Variants in ATXN7L1 observed in about 807,000 individuals in gnomAD.
ATXN7L1 encodes ataxin 7 like 1.
A neutral mutation model predicts 70.8 loss-of-function variants in ATXN7L1; 15 were observed. The observed-to-expected ratio is 0.21, with a 90% CI of 0.14 to 0.33. The LOEUF (loss-of-function observed/expected upper bound fraction) is 0.33, where lower values mean the gene tolerates loss of function less well. Among genes scored for constraint, ATXN7L1 ranks in the 10% least tolerant of loss-of-function variants. The pLI, the probability that ATXN7L1 is intolerant of heterozygous loss-of-function variation, is 1.00. For synonymous variants in ATXN7L1, 440 were observed against 445.1 expected (o/e 0.99, Z 0.14); for missense variants, 975 against 1,097.1 (o/e 0.89, Z 1.57).
intron 4 of ATXN7L1, among the ~76,000 whole-genome samples, chr7:105,648,966 C>T (rs189624246): frequency 3.8e-4 from 54 of 141,744 alleles, no homozygotes; most frequent in African/African-American, 1.6e-3. Context: ...GGTGAGTTGG[C>T]AATAGCCTGA....
intron 3 of ATXN7L1, chr7:105,760,361 G>A: frequency 1.1e-6 from 1 of 928,890 alleles, no homozygotes; most frequent in African/African-American, 1.8e-5. Context: ...TTTTATATAT[G>A]AGGAAACAGG....
intron 2 of ATXN7L1, among the ~76,000 whole-genome samples, chr7:105,857,086 T>C (rs1815849933): frequency 6.6e-6 from 1 of 152,226 alleles, no homozygotes; most frequent in Non-Finnish European, 1.5e-5. Flanking sequence ...CTCAAAGCCT[T>C]TGCTTAAGCT....
intron 2 of ATXN7L1, among the ~76,000 whole-genome samples, chr7:105,816,521 G>C (rs932866669): frequency 3.9e-5 from 6 of 152,222 alleles, no homozygotes; most frequent in Admixed American, 1.3e-4. Flanking sequence ...CTATAAATGT[G>C]ATTTTCGTGC....
intron 3 of ATXN7L1, among the ~76,000 whole-genome samples, chr7:105,694,050 CTT>C (rs34797129): frequency 2.4e-4 from 34 of 139,294 alleles, no homozygotes; most frequent in Admixed American, 4.3e-4. Flanking sequence ...AGAAGTGAGC[CTT>C]TTTTTTTTTT....
intron 3 of ATXN7L1, among the ~76,000 whole-genome samples, chr7:105,736,865 A>G (rs898920289): frequency 2.6e-5 from 4 of 152,206 alleles, no homozygotes; most frequent in Non-Finnish European, 5.9e-5. Flanking sequence ...TTTCTCTGTT[A>G]AGATAACCTT....
At chr7:105,754,260 C>T (rs1377797574) in intron 3 of ATXN7L1, among the ~76,000 whole-genome samples, 2 of 152,170 alleles carry the variant, frequency 1.3e-5, no homozygotes, top group African/African-American at 4.8e-5. Flanking sequence ...AGGGGAAGGA[C>T]ATCCCTGGCA....
chr7:105,766,759 TG>T (rs1801310458), intron 3 of ATXN7L1, among the ~76,000 whole-genome samples: 2 of 152,140 alleles, frequency 1.3e-5, no homozygotes, highest in Non-Finnish European at 1.5e-5. Context: ...GGGACAGTGC[TG>T]GAAGAGAATC....
intron 3 of ATXN7L1, among the ~76,000 whole-genome samples, chr7:105,700,823 A>G (rs1156754647): frequency 6.6e-6 from 1 of 152,134 alleles, no homozygotes; most frequent in East Asian, 1.9e-4. Context: ...CTGCGACTAC[A>G]GGCGCACACT....
In ATXN7L1 at chr7:105,665,108, T is replaced by C; in HGVS notation, c.536A>G (p.Gln179Arg). Residue 179 changes from glutamine (Q) to arginine (R), a missense_variant, in exon 4 of 12, where the codon CAG (glutamine) becomes CGG (arginine). Physicochemically the swap from Gln to Arg is conservative, Grantham distance 43. Around this residue, in one of 5 missense-constraint regions of ATXN7L1, gnomAD observed 192 missense variants for 215.5 expected, o/e 0.89. Coordinates refer to ENST00000419735, the MANE Select transcript of ATXN7L1 (RefSeq NM_020725.2). The part of the protein sequence containing the change: ...KDNLLTSSSK[Q>R]HTVFPAKGSR... Reference sequence around the variant, plus strand: ...TCCTTTCGCAGGAAAGACTGTGTGCTGTTTGCTGCTGGAGGTAAGTAGATT... The same window carrying C: ...TCCTTTCGCAGGAAAGACTGTGTGCCGTTTGCTGCTGGAGGTAAGTAGATT... 1.3e-6 allele frequency: 2 copies of C among 1,551,664 alleles called. No individual in the cohort carries two copies. The highest frequency in any genetic ancestry group is 1.7e-6 in the Non-Finnish European group (2 of 1,147,000).
At chr7:105,677,070 G>A (rs1346013454) in intron 3 of ATXN7L1, among the ~76,000 whole-genome samples, 1 of 152,236 alleles carries the variant, frequency 6.6e-6, no homozygotes, top group East Asian at 1.9e-4. Context: ...AGGAGGCAGA[G>A]CAGGTGCCAG....
intron 4 of ATXN7L1, among the ~76,000 whole-genome samples, chr7:105,653,910 C>G (rs1054688713): frequency 6.6e-6 from 1 of 152,162 alleles, no homozygotes; most frequent in African/African-American, 2.4e-5. Context: ...CTGTCCAGAT[C>G]CGGAGGAAAC....
At chr7:105,868,405 TA>T (rs1381046922) in intron 2 of ATXN7L1, among the ~76,000 whole-genome samples, 5 of 152,064 alleles carry the variant, frequency 3.3e-5, no homozygotes, top group Admixed American at 3.3e-4. Flanking sequence ...GTCAAACACA[TA>T]AGGGAGGCTG....
At chr7:105,839,994 C>T (rs1225049176) in intron 2 of ATXN7L1, among the ~76,000 whole-genome samples, 3 of 152,170 alleles carry the variant, frequency 2.0e-5, no homozygotes, top group Admixed American at 6.5e-5. Context: ...TTGAACTGGG[C>T]CTTCATGGAT....
At chr7:105,611,323 C>T (rs767134076) in intron 10 of ATXN7L1, among the ~76,000 whole-genome samples, 191 of 152,318 alleles carry the variant, frequency 1.3e-3, no homozygotes, top group Admixed American at 2.5e-3. Context: ...TCCTATAAAC[C>T]GCTCCTCTTC....
intron 3 of ATXN7L1, among the ~76,000 whole-genome samples, chr7:105,687,730 G>C (rs1000145619): frequency 6.6e-6 from 1 of 152,212 alleles, no homozygotes; most frequent in African/African-American, 2.4e-5. Flanking sequence ...GTATAGGATG[G>C]AGGCAGAGGC....
At chr7:105,867,636 A>G (rs1324108689) in intron 2 of ATXN7L1, among the ~76,000 whole-genome samples, 1 of 152,212 alleles carries the variant, frequency 6.6e-6, no homozygotes, top group Non-Finnish European at 1.5e-5. Context: ...GCGCCAGGGG[A>G]TAGTCACAGT....
At chr7:105,773,570 A>C (rs2116445444) in intron 3 of ATXN7L1, among the ~76,000 whole-genome samples, 1 of 152,284 alleles carries the variant, frequency 6.6e-6, no homozygotes, top group African/African-American at 2.4e-5. Context: ...TCACTTCTGA[A>C]AAAGGAGTGG....
chr7:105,733,657 T>TTCATCCATCCAC (rs1796949545), intron 3 of ATXN7L1, among the ~76,000 whole-genome samples: 1 of 84,682 alleles, frequency 1.2e-5, no homozygotes. Context: ...CATCCATCCA[T>TTCATCCATCCAC]CCATCCATCC....
chr7:105,815,908 C>T (rs759686441), intron 2 of ATXN7L1, among the ~76,000 whole-genome samples: 5 of 152,156 alleles, frequency 3.3e-5, no homozygotes, highest in African/African-American at 4.8e-5. Flanking sequence ...GGAGAATGTG[C>T]AATGGGCATC....
Sources: gnomAD v4.1 joint callset for allele counts (sites outside exome capture counted in the v4.1 genomes callset) on GRCh38, gnomAD v4.1.1 for gene constraint, gnomAD v4.1.1 regional missense constraint, MANE v1.5 for transcripts, NCBI Gene and HGNC (gene_info 2026-07-23, HGNC 2026-07-21) for gene names.